Variants in SLCO3A1 observed in about 807,000 individuals in gnomAD.
SLCO3A1 encodes solute carrier organic anion transporter family member 3A1.
Under a neutral mutation model 63.1 loss-of-function variants are expected in SLCO3A1, and 27 were observed. The ratio of observed to expected loss-of-function variants is 0.43; its 90% CI spans 0.32 to 0.59. The LOEUF (loss-of-function observed/expected upper bound fraction) is 0.59, where lower values mean the gene tolerates loss of function less well. Ranked by LOEUF, SLCO3A1 falls within the 20% of genes least tolerant of loss-of-function variation. The pLI, the probability that SLCO3A1 is intolerant of heterozygous loss-of-function variation, is 0.09. For missense variants in SLCO3A1, 773 were observed against 945.8 expected, an observed-to-expected ratio of 0.82 and a Z score of 2.40; for synonymous variants, 473 against 409.9, an observed-to-expected ratio of 1.15 and a Z score of -1.86.
chr15:91,997,670 C>A (rs1160286066), intron 2 of SLCO3A1, among the ~76,000 whole-genome samples: 1 of 152,110 alleles, frequency 6.6e-6, no homozygotes, highest in East Asian at 1.9e-4. Context: ...CTACATAGAC[C>A]AGTGGAGCAG....
rs186874330 is a variant in SLCO3A1 at position 92,007,266 on chromosome 15, A to C, written c.647-87615A>C. On this transcript the variant is annotated intron_variant, in intron 2 of 9. Transcript: ENST00000318445. ...AATGTGGAACTTGGTTGGAGAACCC[A>C]TAAACACAAAATATTCAGGCATTGT... 3.3e-5 allele frequency among the ~76,000 whole-genome samples: 5 copies of C among 152,378 alleles called. No individual in the cohort carries two copies. The East Asian group carries it at 9.6e-4, about 29-fold the overall frequency.
chr15:92,030,856 C>T (rs535605887), intron 2 of SLCO3A1, among the ~76,000 whole-genome samples: 66 of 152,204 alleles, frequency 4.3e-4, no homozygotes, highest in African/African-American at 1.3e-3. Context: ...ACCATGGAAA[C>T]GAGAGATGCC....
chr15:91,988,045 T>C (rs1163297870), intron 2 of SLCO3A1, among the ~76,000 whole-genome samples: 1 of 152,182 alleles, frequency 6.6e-6, no homozygotes, highest in Non-Finnish European at 1.5e-5. Flanking sequence ...GACAGATAAT[T>C]GTGTTTTATC....
chr15:92,059,033 A>C (rs2047054911), intron 2 of SLCO3A1, among the ~76,000 whole-genome samples: 1 of 152,218 alleles, frequency 6.6e-6, no homozygotes, highest in Non-Finnish European at 1.5e-5. Flanking sequence ...TGCTGGCGTC[A>C]GGGTTGGAGC....
exon 11 of SLCO3A1, chr15:92,172,318 G>C (rs1437387436): frequency 1.9e-5 from 3 of 156,906 alleles, no homozygotes; most frequent in African/African-American, 7.2e-5. Flanking sequence ...ATTTTTGAGT[G>C]TGGTACTCTG....
Position 91,863,147 on chromosome 15 carries a change from A to G in SLCO3A1, c.180+9059A>G, listed in dbSNP as rs1345434467. 6.6e-6 allele frequency among the ~76,000 whole-genome samples: 1 copy of G among 152,240 alleles called. No individual in the cohort carries two copies. The highest frequency in any genetic ancestry group is 1.5e-5 in the Non-Finnish European group (1 of 68,044). On this transcript the variant is annotated intron_variant, in intron 1 of 9. Coordinates refer to ENST00000318445, the MANE Select transcript of SLCO3A1 (RefSeq NM_013272.4). This position sits in a 1 kb window ranked among gnomAD's most constrained non-coding sequence, Gnocchi z 4.3. Reference sequence around the variant, plus strand: ...ATATGTGTTTATTATGTAAGATTCAATTATGGTGATCCAACCTGTAAAATA... The same window carrying G: ...ATATGTGTTTATTATGTAAGATTCAGTTATGGTGATCCAACCTGTAAAATA...
intron 2 of SLCO3A1, among the ~76,000 whole-genome samples, chr15:92,029,085 G>A (rs1474779402): frequency 2.0e-5 from 3 of 152,148 alleles, no homozygotes; most frequent in African/African-American, 7.2e-5. Context: ...CTGTTGCCAA[G>A]TAATTTCTTA....
intron 2 of SLCO3A1, among the ~76,000 whole-genome samples, chr15:92,005,097 G>A (rs1174893180): frequency 6.6e-6 from 1 of 152,222 alleles, no homozygotes; most frequent in Non-Finnish European, 1.5e-5. Flanking sequence ...TTATTTTGAA[G>A]CATCTAATTA....
chr15:92,078,368 G>T (rs1438701709), intron 2 of SLCO3A1, among the ~76,000 whole-genome samples: 1 of 152,196 alleles, frequency 6.6e-6, no homozygotes, highest in East Asian at 1.9e-4. Context: ...TCCATAGCAG[G>T]TGTCTCCCTG....
chr15:91,981,535 G>A (rs890486186), intron 2 of SLCO3A1, among the ~76,000 whole-genome samples: 1 of 151,870 alleles, frequency 6.6e-6, no homozygotes, highest in Non-Finnish European at 1.5e-5. Context: ...CTTCCTACCT[G>A]TGCGCATTCC....
At chr15:91,936,966 G>A (rs1899434758) in intron 2 of SLCO3A1, among the ~76,000 whole-genome samples, 1 of 152,192 alleles carries the variant, frequency 6.6e-6, no homozygotes, top group African/African-American at 2.4e-5. Flanking sequence ...GCTGAGTACA[G>A]ATCATTAATC....
At chr15:91,929,875 C>T (rs28740808) in intron 2 of SLCO3A1, among the ~76,000 whole-genome samples, 33,019 of 151,982 alleles carry the variant, frequency 0.22, 3,710 homozygotes, top group Middle Eastern at 0.25. Flanking sequence ...GAATTTCCTT[C>T]CTATGTATAT....
chr15:91,858,727 T>C (rs1183471781), intron 1 of SLCO3A1, among the ~76,000 whole-genome samples: 1 of 152,250 alleles, frequency 6.6e-6, no homozygotes, highest in Admixed American at 6.5e-5. Flanking sequence ...CATGGGCTGC[T>C]TCTTGCACGA....
intron 2 of SLCO3A1, among the ~76,000 whole-genome samples, chr15:92,065,274 A>G (rs1214264432): frequency 2.0e-5 from 3 of 151,964 alleles, no homozygotes; most frequent in African/African-American, 7.3e-5. Flanking sequence ...TTTGGTAGAG[A>G]TAGGGTTTCA....
chr15:92,123,938 G>C (rs999569210), intron 5 of SLCO3A1, among the ~76,000 whole-genome samples: 2 of 152,220 alleles, frequency 1.3e-5, no homozygotes, highest in African/African-American at 4.8e-5. Flanking sequence ...CTTGGCAGGA[G>C]GCACCTTCTC....
At chr15:91,877,771 G>T (rs144778048) in intron 1 of SLCO3A1, among the ~76,000 whole-genome samples, 1 of 152,150 alleles carries the variant, frequency 6.6e-6, no homozygotes, top group Non-Finnish European at 1.5e-5. Flanking sequence ...AAGGGGTGTG[G>T]TCTATAGAAG....
intron 2 of SLCO3A1, among the ~76,000 whole-genome samples, chr15:92,091,815 A>G (rs772935625): frequency 2.0e-4 from 30 of 152,208 alleles, no homozygotes; most frequent in Non-Finnish European, 3.7e-4. Flanking sequence ...GTGGGGTCCT[A>G]TCAACTCCGT....
rs1751652856 is a variant in SLCO3A1 at position 91,883,708 on chromosome 15, GCATAGAAATTTCGGTTC to G, written c.180+29623_180+29639del. ...TAGTTCATGTGTTTTGCTGGGTTGT[GCATAGAAATTTCGGTTC>G]CAAGTATTTTTTGAAGTAGAAGTGT... On this transcript the variant is annotated intron_variant, in intron 1 of 9. Coordinates refer to ENST00000318445, the MANE Select transcript of SLCO3A1 (RefSeq NM_013272.4). The surrounding 1 kb of genome is among the most constrained non-coding windows in gnomAD (Gnocchi z 4.8). 1.3e-5 allele frequency among the ~76,000 whole-genome samples: 2 copies of G among 152,214 alleles called. No individual in the cohort carries two copies. The highest frequency in any genetic ancestry group is 2.9e-5 in the Non-Finnish European group (2 of 68,046).
chr15:92,155,460 G>A (rs1038702209), intron 9 of SLCO3A1, among the ~76,000 whole-genome samples: 1 of 152,202 alleles, frequency 6.6e-6, no homozygotes, highest in Non-Finnish European at 1.5e-5. Flanking sequence ...GGTTGGAAGA[G>A]TTACAGAGGG....
Sources: allele counts gnomAD v4.1 joint callset (sites outside exome capture counted in the v4.1 genomes callset), GRCh38; gene constraint gnomAD v4.1.1; non-coding constraint Gnocchi (gnomAD v3.1); transcripts MANE v1.5; gene names NCBI Gene and HGNC (gene_info 2026-07-23, HGNC 2026-07-21).